KCNF1: variants seen among roughly 807,000 people sequenced by gnomAD.
The protein encoded by KCNF1 is potassium voltage-gated channel modifier subfamily F member 1.
Under a neutral mutation model 28.6 loss-of-function variants are expected in KCNF1, and 9 were observed. That is an observed-to-expected ratio of 0.31 (90% confidence interval 0.19 to 0.55). The LOEUF (loss-of-function observed/expected upper bound fraction) is 0.55. KCNF1 is among the 20% of genes least tolerant of loss of function. KCNF1 has a pLI of 0.93. For synonymous variants in KCNF1, 328 were observed against 299.6 expected (o/e 1.09, Z -0.98); for missense variants, 461 against 684.2 (o/e 0.67, Z 3.64).
chr2:10,912,480 T>C lies in KCNF1; in HGVS notation c.54T>C (p.Ala18=). 6.6e-7 allele frequency: 1 copy of C among 1,522,306 alleles called. No individual in the cohort carries two copies. The highest frequency in any genetic ancestry group is 2.1e-5 in the Admixed American group (1 of 47,786). 94.3% of individuals were successfully genotyped at this position (1,522,306 alleles called of 1,614,324 possible). A position where few individuals can be genotyped will look rare whatever the true frequency, so the allele number is the denominator to read the frequency against. The change falls in exon 1 of 1, where the codon GCT becomes GCC. Residue 18 remains alanine, a synonymous_variant. Coordinates refer to ENST00000295082, the MANE Select transcript of KCNF1 (RefSeq NM_002236.5). The surrounding 1 kb of genome is among the most constrained non-coding windows in gnomAD (Gnocchi z 7.9). ...SLPEPGSQSS[A]ASDDIEIVVN... Reference sequence around the variant, plus strand: ...CGGAGCCGGGCAGCCAGAGCTCCGCTGCCAGCGACGACATAGAGATAGTCG... The same window carrying C: ...CGGAGCCGGGCAGCCAGAGCTCCGCCGCCAGCGACGACATAGAGATAGTCG...
Position 10,912,803 on chromosome 2 carries a change from G to C in KCNF1, c.377G>C (p.Cys126Ser), listed in dbSNP as rs771507066. 1 of 1,614,024 alleles carries C rather than the reference G, an allele frequency of 6.2e-7. No individual in the cohort carries two copies. The highest frequency in any genetic ancestry group is 8.5e-7 in the Non-Finnish European group (1 of 1,180,044). ...WKVDLKFLDD[C>S]CKSHLSEKRE... is the part of the protein sequence containing the mutation. ...GTGGACCTCAAGTTCCTGGACGACT[G>C]TTGCAAGAGCCACCTGAGCGAGAAG... The change falls in exon 1 of 1, where the codon TGT becomes TCT. Residue 126 changes from cysteine (C) to serine (S), a missense_variant. Cys to Ser is a moderately radical substitution (Grantham distance 112). Coordinates refer to ENST00000295082, the MANE Select transcript of KCNF1 (RefSeq NM_002236.5). The surrounding 1 kb of genome is among the most constrained non-coding windows in gnomAD (Gnocchi z 7.9).
Position 10,913,353 on chromosome 2 carries a change from C to G in KCNF1, c.927C>G (p.Gly309=), listed in dbSNP as rs1315324270. ...RIFKLARHSS[G]LQTLTYALKR... ...TCAAGCTGGCCCGCCACTCCTCGGG[C>G]CTGCAGACCCTCACCTATGCCCTCA... is the stretch of plus-strand genomic sequence containing the variant. Residue 309 remains glycine, a synonymous_variant, in exon 1 of 1, where the codon GGC becomes GGG. Coordinates refer to ENST00000295082, the MANE Select transcript of KCNF1 (RefSeq NM_002236.5). The surrounding 1 kb of genome is among the most constrained non-coding windows in gnomAD (Gnocchi z 5.5). 1 of 1,613,758 alleles carries G rather than the reference C, an allele frequency of 6.2e-7. No individual in the cohort carries two copies. The highest frequency in any genetic ancestry group is 1.3e-5 in the African/African-American group (1 of 74,952).
Position 10,913,368 on chromosome 2 carries a change from C to A in KCNF1, c.942C>A (p.Thr314=), listed in dbSNP as rs145867221. Residue 314 remains threonine, a synonymous_variant, in exon 1 of 1, where the codon ACC becomes ACA. Coordinates refer to ENST00000295082, the MANE Select transcript of KCNF1 (RefSeq NM_002236.5). This position sits in a 1 kb window ranked among gnomAD's most constrained non-coding sequence, Gnocchi z 5.5. ...ACTCCTCGGGCCTGCAGACCCTCAC[C>A]TATGCCCTCAAGCGCAGCTTCAAGG... ...ARHSSGLQTL[T]YALKRSFKEL... is the part of the protein sequence containing the mutation. The A allele has an allele frequency of 9.1e-5, 147 of 1,613,988 alleles. 1 individual carries two copies. The African/African-American group carries it at 1.7e-3, about 19-fold the overall frequency.
chr2:10,912,490 G>C lies in KCNF1; in HGVS notation c.64G>C (p.Asp22His). 6.5e-7 allele frequency: 1 copy of C among 1,550,226 alleles called. No individual in the cohort carries two copies. The highest frequency in any genetic ancestry group is 1.2e-5 in the South Asian group (1 of 80,268). The change falls in exon 1 of 1, where the codon GAC (aspartate) becomes CAC (histidine). Residue 22 changes from aspartate to histidine, a missense_variant. Asp to His is a moderately conservative substitution (Grantham distance 81). This residue lies in a region of KCNF1 where 52 missense variants were observed against 39.8 expected (regional missense o/e 1.31). Transcript: ENST00000295082. The surrounding 1 kb of genome is among the most constrained non-coding windows in gnomAD (Gnocchi z 7.9). The stretch of plus-strand genomic sequence containing the variant: ...CAGCCAGAGCTCCGCTGCCAGCGAC[G>C]ACATAGAGATAGTCGTCAACGTGGG... ...PGSQSSAASD[D>H]IEIVVNVGGV...
In KCNF1 at chr2:10,913,949, G is replaced by A. The variant is rs1380624894; in HGVS notation, c.*38G>A. 5.3e-6 allele frequency: 8 copies of A among 1,516,478 alleles called. No individual in the cohort carries two copies. The highest frequency in any genetic ancestry group is 1.4e-5 in the African/African-American group (1 of 71,632). 93.9% of individuals were successfully genotyped at this position (1,516,478 alleles called of 1,614,324 possible). A position where few individuals can be genotyped will look rare whatever the true frequency, so the allele number is the denominator to read the frequency against. On this transcript the variant is annotated 3_prime_UTR_variant, in exon 1 of 1. Transcript: ENST00000295082. The surrounding 1 kb of genome is among the most constrained non-coding windows in gnomAD (Gnocchi z 5.5). ...TCAGGCAGAGATGGACCAGGCGGTGGACAGATGGGTAGATGTGGCAGGCAT... is the reference window on the plus strand; with the variant it reads ...TCAGGCAGAGATGGACCAGGCGGTGAACAGATGGGTAGATGTGGCAGGCAT...
Position 10,912,778 on chromosome 2 carries a change from G to T in KCNF1, c.352G>T (p.Val118Leu). ...CFKNEMDFWK[V>L]DLKFLDDCCK... The stretch of plus-strand genomic sequence containing the variant: ...CAAGAACGAGATGGACTTCTGGAAG[G>T]TGGACCTCAAGTTCCTGGACGACTG... The change falls in exon 1 of 1, where the codon GTG (valine) becomes TTG (leucine). Residue 118 changes from valine to leucine, a missense_variant. Coordinates refer to ENST00000295082, the MANE Select transcript of KCNF1 (RefSeq NM_002236.5). This position sits in a 1 kb window ranked among gnomAD's most constrained non-coding sequence, Gnocchi z 7.9. The T allele has an allele frequency of 6.2e-7, 1 of 1,614,116 alleles. No homozygotes were observed. Among genetic ancestry groups the T allele is most frequent in the South Asian group, 1.1e-5 (1 of 91,090 alleles).
In KCNF1 at chr2:10,912,708, T is replaced by G; in HGVS notation, c.282T>G (p.Tyr94Ter). 6.2e-7 allele frequency: 1 copy of G among 1,614,138 alleles called. No individual in the cohort carries two copies. Among genetic ancestry groups the G allele is most frequent in the Non-Finnish European group, 8.5e-7 (1 of 1,180,026 alleles). ...TCAAGTGTGTCATCGAGGTGTACTA[T>G]TTCGGGGAGGTCCACATGAAGAAGG... ...DAFKCVIEVY[Y>*]FGEVHMKKGI... Residue 94 changes from tyrosine to a stop codon, truncating the protein, a stop_gained, in exon 1 of 1, where the codon TAT becomes TAG. Transcript: ENST00000295082. LOFTEE classifies it high-confidence loss of function. The surrounding 1 kb of genome is among the most constrained non-coding windows in gnomAD (Gnocchi z 7.9).
In KCNF1 at chr2:10,913,479, G is replaced by A. The variant is rs748191250; in HGVS notation, c.1053G>A (p.Glu351=). The change falls in exon 1 of 1, where the codon GAG becomes GAA. Residue 351 remains glutamate (E), a synonymous_variant. Coordinates refer to ENST00000295082, the MANE Select transcript of KCNF1 (RefSeq NM_002236.5). The surrounding 1 kb of genome is among the most constrained non-coding windows in gnomAD (Gnocchi z 5.5). Reference sequence around the variant, plus strand: ...ACACCATGGAGCAGAGCCATCCAGAGACCCTGTTTAAGAGCATCCCCCAGT... The same window carrying A: ...ACACCATGGAGCAGAGCCATCCAGAAACCCTGTTTAAGAGCATCCCCCAGT... The part of the protein sequence containing the change: ...LGYTMEQSHP[E]TLFKSIPQSF... 72 of 1,614,036 alleles carry A rather than the reference G, an allele frequency of 4.5e-5. 1 individual carries two copies. In the South Asian group the frequency reaches 7.7e-4, roughly 17 times the overall value.
At position 10,913,265 on chromosome 2, in the gene KCNF1, T is replaced by A; in HGVS notation, c.839T>A (p.Met280Lys). Residue 280 changes from methionine to lysine, a missense_variant, in exon 1 of 1, where the codon ATG (methionine) becomes AAG (lysine). Coordinates refer to ENST00000295082, the MANE Select transcript of KCNF1 (RefSeq NM_002236.5). The surrounding 1 kb of genome is among the most constrained non-coding windows in gnomAD (Gnocchi z 5.5). ...CTCACGCACCTGGGTGCCCGCATGA[T>A]GGAGCTGACCAACGTGCAGCAGGCC... The part of the protein sequence containing the change: ...LTLTHLGARM[M>K]ELTNVQQAVQ... 6.2e-7 allele frequency: 1 copy of A among 1,613,518 alleles called. No individual in the cohort carries two copies. The highest frequency in any genetic ancestry group is 8.5e-7 in the Non-Finnish European group (1 of 1,180,020).
In KCNF1 at chr2:10,912,816, C is replaced by T. The variant is rs146303502; in HGVS notation, c.390C>T (p.His130=). ...TCCTGGACGACTGTTGCAAGAGCCACCTGAGCGAGAAGCGCGAGGAGCTGG... is the reference window on the plus strand; with the variant it reads ...TCCTGGACGACTGTTGCAAGAGCCATCTGAGCGAGAAGCGCGAGGAGCTGG... ...LKFLDDCCKS[H]LSEKREELEE... Residue 130 remains histidine, a synonymous_variant, in exon 1 of 1, where the codon CAC becomes CAT. Coordinates refer to ENST00000295082, the MANE Select transcript of KCNF1 (RefSeq NM_002236.5). This position sits in a 1 kb window ranked among gnomAD's most constrained non-coding sequence, Gnocchi z 7.9. The T allele has an allele frequency of 1.9e-6, 3 of 1,613,964 alleles. No homozygotes were observed. The highest frequency in any genetic ancestry group is 2.7e-5 in the African/African-American group (2 of 75,068).
At position 10,912,456 on chromosome 2, in the gene KCNF1, G is replaced by C; in HGVS notation, c.30G>C (p.Pro10=). ...ACGGGTCCGGGGAGCGCAGCCTCCC[G>C]GAGCCGGGCAGCCAGAGCTCCGCTG... MDGSGERSL[P]EPGSQSSAAS... Residue 10 remains proline (P), a synonymous_variant, in exon 1 of 1, where the codon CCG becomes CCC. Coordinates refer to ENST00000295082, the MANE Select transcript of KCNF1 (RefSeq NM_002236.5). The surrounding 1 kb of genome is among the most constrained non-coding windows in gnomAD (Gnocchi z 7.9). The C allele has an allele frequency of 6.8e-7, 1 of 1,464,696 alleles. No individual in the cohort carries two copies. The highest frequency in any genetic ancestry group is 9.0e-7 in the Non-Finnish European group (1 of 1,108,544). The allele number at this position is 1,464,696 out of a possible 1,614,324, so 90.7% of individuals were successfully genotyped here. A position where few individuals can be genotyped will look rare whatever the true frequency, so the allele number is the denominator to read the frequency against.
chr2:10,912,360 C>T lies in KCNF1; in HGVS notation c.-67C>T, dbSNP rs1661549511. 4 of 1,182,126 alleles carry T rather than the reference C, an allele frequency of 3.4e-6. No individual in the cohort carries two copies. The highest frequency in any genetic ancestry group is 4.2e-6 in the Non-Finnish European group (4 of 948,948). 73.2% of individuals were successfully genotyped at this position (1,182,126 alleles called of 1,614,324 possible). ...GCACGGGTGGCACCCGCCGGACCCC[C>T]AGCGGCAGCGGCGGCGGCGGCTGCA... On this transcript the variant is annotated 5_prime_UTR_variant, in exon 1 of 1. Coordinates refer to ENST00000295082, the MANE Select transcript of KCNF1 (RefSeq NM_002236.5). The surrounding 1 kb of genome is among the most constrained non-coding windows in gnomAD (Gnocchi z 7.9).
rs755245489 is a variant in KCNF1, at chr2:10,913,467, G to C, written c.1041G>C (p.Gln347His). ...VFSALGYTME[Q>H]SHPETLFKSI... is the part of the protein sequence containing the mutation. ...CTGCCCTGGGCTACACCATGGAGCA[G>C]AGCCATCCAGAGACCCTGTTTAAGA... Residue 347 changes from glutamine to histidine, a missense_variant, in exon 1 of 1, where the codon CAG (glutamine) becomes CAC (histidine). Physicochemically the swap from Gln to His is conservative, Grantham distance 24 (BLOSUM62 0). Transcript: ENST00000295082. The surrounding 1 kb of genome is among the most constrained non-coding windows in gnomAD (Gnocchi z 5.5). 1.2e-6 allele frequency: 2 copies of C among 1,614,174 alleles called. No homozygotes were observed. Among genetic ancestry groups the C allele is most frequent in the Non-Finnish European group, 1.7e-6 (2 of 1,180,044 alleles).
rs35701651 is a variant in KCNF1 at position 10,913,800 on chromosome 2, G to A, written c.1374G>A (p.Gly458=). The A allele has an allele frequency of 7.6e-6, 12 of 1,585,154 alleles. No homozygotes were observed. Among genetic ancestry groups the A allele is most frequent in the Non-Finnish European group, 8.6e-6 (10 of 1,164,790 alleles). ...ACAACCTCCCTCCAGAGCCTGCGGG[G>A]AAGGAGGCGCCGAGCTGCAGCAGCC... ...DLDNLPPEPA[G]KEAPSCSSRL... is the part of the protein sequence containing the mutation. Residue 458 remains glycine, a synonymous_variant, in exon 1 of 1, where the codon GGG becomes GGA. Coordinates refer to ENST00000295082, the MANE Select transcript of KCNF1 (RefSeq NM_002236.5). This position sits in a 1 kb window ranked among gnomAD's most constrained non-coding sequence, Gnocchi z 5.5.
In KCNF1 at chr2:10,912,328, G is replaced by C. The variant is rs1661548791; in HGVS notation, c.-99G>C. ...CGGGCGCCGGCCAGGCTCTCCCCGA[G>C]ATCAGCGCACGGGTGGCACCCGCCG... On this transcript the variant is annotated 5_prime_UTR_variant, in exon 1 of 1. Transcript: ENST00000295082. This position sits in a 1 kb window ranked among gnomAD's most constrained non-coding sequence, Gnocchi z 7.9. 3 of 997,038 alleles carry C rather than the reference G, an allele frequency of 3.0e-6. No individual in the cohort carries two copies. In the East Asian group the frequency reaches 1.2e-4, roughly 39 times the overall value. The allele number at this position is 997,038 out of a possible 1,614,324, so 61.8% of individuals were successfully genotyped here. A position where few individuals can be genotyped will look rare whatever the true frequency, so the allele number is the denominator to read the frequency against.
chr2:10,913,725 C>T lies in KCNF1; in HGVS notation c.1299C>T (p.Asn433=), dbSNP rs1232948723. The T allele has an allele frequency of 2.5e-6, 4 of 1,613,744 alleles. No homozygotes were observed. Among genetic ancestry groups the T allele is most frequent in the South Asian group, 1.1e-5 (1 of 91,016 alleles). The change falls in exon 1 of 1, where the codon AAC becomes AAT. Residue 433 remains asparagine, a synonymous_variant. Coordinates refer to ENST00000295082, the MANE Select transcript of KCNF1 (RefSeq NM_002236.5). The surrounding 1 kb of genome is among the most constrained non-coding windows in gnomAD (Gnocchi z 5.5). The stretch of plus-strand genomic sequence containing the variant: ...ACGAGCTGGAGCTGATGGAACTCAA[C>T]TCCAGCAGCGGGGGCGAGGGCAAGA... The part of the protein sequence containing the change: ...AKHELELMEL[N]SSSGGEGKTG...
At position 10,913,129 on chromosome 2, in the gene KCNF1, C is replaced by A. The variant is rs749721460; in HGVS notation, c.703C>A (p.Leu235Met). ...VETACIGWFTLEYLLRLFSSP... is the reference protein window; with the variant it reads ...VETACIGWFTMEYLLRLFSSP... ...GACGGCGTGCATTGGCTGGTTCACCCTGGAGTACCTGCTGCGCCTCTTCTC... is the reference window on the plus strand; with the variant it reads ...GACGGCGTGCATTGGCTGGTTCACCATGGAGTACCTGCTGCGCCTCTTCTC... The change falls in exon 1 of 1, where the codon CTG (leucine) becomes ATG (methionine). Residue 235 changes from leucine (L) to methionine (M), a missense_variant. Around this residue, in one of 4 missense-constraint regions of KCNF1, gnomAD observed 115 missense variants for 261.6 expected, o/e 0.44. Coordinates refer to ENST00000295082, the MANE Select transcript of KCNF1 (RefSeq NM_002236.5). This position sits in a 1 kb window ranked among gnomAD's most constrained non-coding sequence, Gnocchi z 5.5. 6.2e-7 allele frequency: 1 copy of A among 1,612,394 alleles called. No homozygotes were observed. Among genetic ancestry groups the A allele is most frequent in the East Asian group, 2.2e-5 (1 of 44,884 alleles).
Position 10,912,296 on chromosome 2 carries a change from C to A in KCNF1, c.-131C>A. On this transcript the variant is annotated 5_prime_UTR_variant, in exon 1 of 1. Transcript: ENST00000295082. This position sits in a 1 kb window ranked among gnomAD's most constrained non-coding sequence, Gnocchi z 7.9. ...TGCTGCCCGCTGTGACCGCCCTTCC[C>A]CGCAGGCGGGCGCCGGCCAGGCTCT... is the stretch of plus-strand genomic sequence containing the variant. 1.5e-6 allele frequency: 1 copy of A among 666,846 alleles called. No individual in the cohort carries two copies. Among genetic ancestry groups the A allele is most frequent in the Non-Finnish European group, 2.0e-6 (1 of 498,128 alleles). 41.3% of individuals were successfully genotyped at this position (666,846 alleles called of 1,614,324 possible).
Position 10,913,779 on chromosome 2 carries a change from C to A in KCNF1, c.1353C>A (p.Asn451Lys). ...GGGGCTCCCGCAGTGACCTGGACAACCTCCCTCCAGAGCCTGCGGGGAAGG... is the reference window on the plus strand; with the variant it reads ...GGGGCTCCCGCAGTGACCTGGACAAACTCCCTCCAGAGCCTGCGGGGAAGG... ...KTGGSRSDLD[N>K]LPPEPAGKEA... The change falls in exon 1 of 1, where the codon AAC (asparagine) becomes AAA (lysine). Residue 451 changes from asparagine (N) to lysine (K), a missense_variant. Around this residue, in one of 4 missense-constraint regions of KCNF1, gnomAD observed 101 missense variants for 102.2 expected, o/e 0.99. Coordinates refer to ENST00000295082, the MANE Select transcript of KCNF1 (RefSeq NM_002236.5). This position sits in a 1 kb window ranked among gnomAD's most constrained non-coding sequence, Gnocchi z 5.5. 6.2e-7 allele frequency: 1 copy of A among 1,604,398 alleles called. No individual in the cohort carries two copies. The highest frequency in any genetic ancestry group is 8.5e-7 in the Non-Finnish European group (1 of 1,174,820).
Sources: allele counts gnomAD v4.1 joint callset, GRCh38; gene constraint gnomAD v4.1.1; regional missense constraint gnomAD v4.1.1; non-coding constraint Gnocchi (gnomAD v3.1); transcripts MANE v1.5; gene names NCBI Gene and HGNC (gene_info 2026-07-23, HGNC 2026-07-21).